EPC2: variants seen among roughly 807,000 people sequenced by gnomAD.
EPC2 encodes the protein enhancer of polycomb homolog 2.
A neutral mutation model predicts 92.1 loss-of-function variants in EPC2; 14 were observed. That is an observed-to-expected ratio of 0.15 (90% CI 0.10 to 0.24). The LOEUF (loss-of-function observed/expected upper bound fraction) is 0.24. EPC2 is among the 10% of genes least tolerant of loss of function. EPC2 has a pLI of 1.00. For synonymous variants in EPC2, 340 were observed against 334.7 expected (o/e 1.02, Z -0.17); for missense variants, 755 against 971.5 (o/e 0.78, Z 2.96).
Position 148,678,680 on chromosome 2 carries a change from G to A in EPC2, c.154-11534G>A, listed in dbSNP as rs1681328719. Among the ~76,000 whole-genome samples, 3 of 152,250 alleles carry A rather than the reference G, an allele frequency of 2.0e-5. No individual in the cohort carries two copies. The South Asian group carries it at 6.2e-4, about 31-fold the overall frequency. ...CTCATTGCCTGGGGCCGGCTGCTCC[G>A]AGTGCAGGGCTGGCCAAGCCCACGC... On this transcript the variant is annotated intron_variant, in intron 1 of 13. Transcript: ENST00000258484.
At chr2:148,732,840 G>T (rs1464934968) in intron 2 of EPC2, among the ~76,000 whole-genome samples, 3 of 151,368 alleles carry the variant, frequency 2.0e-5, no homozygotes, top group Non-Finnish European at 4.4e-5. Flanking sequence ...TGCATATAAA[G>T]GATTTTTTTA....
At chr2:148,672,040 A>T (rs1681165023) in intron 1 of EPC2, among the ~76,000 whole-genome samples, 2 of 152,124 alleles carry the variant, frequency 1.3e-5, no homozygotes, top group Admixed American at 1.3e-4. Context: ...ATCCTTCTTG[A>T]AATGTTTGGT....
chr2:148,761,254 T>C (rs1043263063), intron 4 of EPC2, among the ~76,000 whole-genome samples: 3 of 152,234 alleles, frequency 2.0e-5, no homozygotes, highest in Admixed American at 6.5e-5. Flanking sequence ...ATGGTTGTTA[T>C]CCTACTTTCA....
chr2:148,754,928 G>C (rs1408158148), intron 4 of EPC2, among the ~76,000 whole-genome samples: 3 of 152,174 alleles, frequency 2.0e-5, no homozygotes, highest in African/African-American at 7.2e-5. Context: ...ACACACAGTA[G>C]TACCTTCTCT....
intron 10 of EPC2, 135 bp from the exon 11 acceptor site, chr2:148,781,509 T>G (rs1683748036): frequency 1.2e-6 from 1 of 827,716 alleles, no homozygotes; most frequent in Non-Finnish European, 1.8e-6. Flanking sequence ...TTCATTAGAT[T>G]ATTTTCTGAT....
At chr2:148,647,120 A>G (rs547610467) in intron 1 of EPC2, among the ~76,000 whole-genome samples, 2 of 151,800 alleles carry the variant, frequency 1.3e-5, no homozygotes, top group East Asian at 3.9e-4. Flanking sequence ...CCCCAACAAC[A>G]AAAAAAAGGA....
At chr2:148,682,563 G>GC (rs1553443688) in intron 1 of EPC2, among the ~76,000 whole-genome samples, 77 of 152,036 alleles carry the variant, frequency 5.1e-4, no homozygotes, top group Non-Finnish European at 9.6e-4. Flanking sequence ...ATTGTATAGA[G>GC]TTTTTTTTGG....
intron 2 of EPC2, among the ~76,000 whole-genome samples, chr2:148,708,821 A>T (rs1384139574): frequency 5.9e-5 from 9 of 152,182 alleles, no homozygotes; most frequent in African/African-American, 1.9e-4. Context: ...CTCTCAATAA[A>T]CTAGGCATTG....
chr2:148,775,100 A>AAAG (rs1318563028), intron 10 of EPC2, among the ~76,000 whole-genome samples: 3 of 151,286 alleles, frequency 2.0e-5, no homozygotes, highest in African/African-American at 4.9e-5. Context: ...AAAAAAAAAA[A>AAAG]AAAAGAAAAG....
At chr2:148,690,464 T>A in intron 2 of EPC2, 91 bp downstream of exon 2, 1 of 1,221,956 alleles carries the variant, frequency 8.2e-7, no homozygotes, top group Non-Finnish European at 1.1e-6. Flanking sequence ...TTCTGATTTT[T>A]TAATTCATAC....
intron 1 of EPC2, among the ~76,000 whole-genome samples, chr2:148,673,126 T>C (rs940650890): frequency 9.2e-5 from 14 of 152,208 alleles, no homozygotes; most frequent in African/African-American, 3.4e-4. Flanking sequence ...TGTCTTTGAC[T>C]TTTGATAACT....
In EPC2 at chr2:148,652,907, T is replaced by C. The variant is rs550900434; in HGVS notation, c.153+7737T>C. The stretch of plus-strand genomic sequence containing the variant: ...TTCTTCACTTTACTAGGCTTACTCA[T>C]TGCTGTAAGTATTCTGAAGTTCAGT... On this transcript the variant is annotated intron_variant, in intron 1 of 13. Coordinates refer to ENST00000258484, the MANE Select transcript of EPC2 (RefSeq NM_015630.4). 7.9e-5 allele frequency among the ~76,000 whole-genome samples: 12 copies of C among 152,348 alleles called. No individual in the cohort carries two copies. The South Asian group carries it at 2.5e-3, about 32-fold the overall frequency.
chr2:148,655,436 G>T (rs1680771806), intron 1 of EPC2, among the ~76,000 whole-genome samples: 1 of 152,072 alleles, frequency 6.6e-6, no homozygotes, highest in African/African-American at 2.4e-5. Flanking sequence ...TTTAATATGT[G>T]TACTTTATTA....
intron 1 of EPC2, among the ~76,000 whole-genome samples, chr2:148,667,453 A>G (rs1441104869): frequency 2.0e-5 from 3 of 152,226 alleles, no homozygotes; most frequent in Non-Finnish European, 2.9e-5. Flanking sequence ...ATTACAGTAG[A>G]TTTTTTTGTG....
At position 148,770,794 on chromosome 2, in the gene EPC2, T is replaced by G; in HGVS notation, c.1233T>G (p.Pro411=). Residue 411 remains proline, a splice_region_variant and synonymous_variant, in exon 9 of 14, where the codon CCT becomes CCG. Transcript: ENST00000258484. The stretch of plus-strand genomic sequence containing the variant: ...TTTTGTTTTTTCTTTCTTTGCAGCC[T>G]CGTTTGGACCAAGCTAACCATTCAT... ...RRRAGCQYYA[P]RLDQANHSCE... The G allele has an allele frequency of 6.3e-7, 1 of 1,596,942 alleles. No homozygotes were observed. The highest frequency in any genetic ancestry group is 1.2e-5 in the South Asian group (1 of 86,882).
In EPC2 at chr2:148,787,090, A is replaced by G. The variant is rs1683883064; in HGVS notation, c.*713A>G. ...AAAATAATTACACAGAAAAAATGGA[A>G]TAGGAAAAATTATGCATCTAGCACA... is the stretch of plus-strand genomic sequence containing the variant. On this transcript the variant is annotated 3_prime_UTR_variant, in exon 14 of 14. Transcript: ENST00000258484. The G allele has an allele frequency of 6.5e-6, 1 of 152,682 alleles. No individual in the cohort carries two copies. Among genetic ancestry groups the G allele is most frequent in the Non-Finnish European group, 1.5e-5 (1 of 68,052 alleles). 9.5% of individuals were successfully genotyped at this position (152,682 alleles called of 1,614,324 possible). A position where few individuals can be genotyped will look rare whatever the true frequency, so the allele number is the denominator to read the frequency against.
intron 3 of EPC2, among the ~76,000 whole-genome samples, chr2:148,746,150 C>G (rs188612360): frequency 1.3e-5 from 2 of 151,972 alleles, no homozygotes; most frequent in East Asian, 3.9e-4. Flanking sequence ...TTTTCTTATC[C>G]TACATATTTT....
intron 2 of EPC2, among the ~76,000 whole-genome samples, chr2:148,710,156 A>G (rs1682105219): frequency 2.0e-5 from 3 of 152,218 alleles, no homozygotes; most frequent in Admixed American, 1.3e-4. Context: ...TGCAAGAAAA[A>G]AATCAAACAA....
intron 2 of EPC2, among the ~76,000 whole-genome samples, chr2:148,728,804 G>A (rs535919391): frequency 6.6e-5 from 10 of 151,496 alleles, no homozygotes; most frequent in South Asian, 2.1e-4. Context: ...AGGCCAAGGC[G>A]GGCAGATCAC....
Sources: allele counts gnomAD v4.1 joint callset (sites outside exome capture counted in the v4.1 genomes callset), GRCh38; gene constraint gnomAD v4.1.1; transcripts MANE v1.5; gene names NCBI Gene and HGNC (gene_info 2026-07-23, HGNC 2026-07-21).